The following NIN variants were observed in gnomAD, a reference collection of about 807,000 sequenced individuals.
The protein encoded by NIN is ninein, also known as glycogen synthase kinase 3 beta-interacting protein.
Under a neutral mutation model 257.6 loss-of-function variants are expected in NIN, and 137 were observed. That is an observed-to-expected ratio of 0.53 (90% confidence interval 0.46 to 0.61). The LOEUF (loss-of-function observed/expected upper bound fraction) is 0.61. Ranked by LOEUF, NIN falls within the 20% of genes least tolerant of loss-of-function variation. The probability of loss-of-function intolerance (pLI) is 0.00; values close to 1 mark genes in which losing one functional copy is unlikely to be tolerated. For synonymous variants in NIN, 918 were observed against 919.8 expected (o/e 1.00, Z 0.04); for missense variants, 2,439 against 2,501.2 (o/e 0.98, Z 0.53).
At chr14:50,746,310 C>CATGAGTTTTAA (rs1264508716) in intron 22 of NIN, among the ~76,000 whole-genome samples, 6 of 152,168 alleles carry the variant, frequency 3.9e-5, no homozygotes, top group African/African-American at 1.4e-4. Flanking sequence ...AGAAAGGCCC[C>CATGAGTTTTAA]ATGAGTTTTA....
Position 50,723,081 on chromosome 14 carries a change from A to G in NIN, c.*382T>C, listed in dbSNP as rs1263307340. On this transcript the variant is annotated 3_prime_UTR_variant, in exon 31 of 31. Coordinates refer to ENST00000530997, the MANE Select transcript of NIN (RefSeq NM_020921.4). ...TGGTTTTAAAATAAAGTTTATAACAACCATTCTCATCAGATCTCAAACTTC... is the reference window on the plus strand; with the variant it reads ...TGGTTTTAAAATAAAGTTTATAACAGCCATTCTCATCAGATCTCAAACTTC... The G allele has an allele frequency of 4.4e-6, 1 of 226,948 alleles. No homozygotes were observed. Among genetic ancestry groups the G allele is most frequent in the Non-Finnish European group, 8.7e-6 (1 of 114,646 alleles). 14.1% of individuals were successfully genotyped at this position (226,948 alleles called of 1,614,324 possible).
At chr14:50,736,218 C>A (rs775765779) in intron 27 of NIN, among the ~76,000 whole-genome samples, 1 of 152,024 alleles carries the variant, frequency 6.6e-6, no homozygotes, top group Non-Finnish European at 1.5e-5. Flanking sequence ...CTGCAACCTG[C>A]GCTTCCCAGG....
intron 6 of NIN, among the ~76,000 whole-genome samples, chr14:50,778,359 G>T (rs1337502800): frequency 3.3e-5 from 5 of 152,038 alleles, no homozygotes; most frequent in Non-Finnish European, 5.9e-5. Flanking sequence ...AGTAGAGACG[G>T]GGTATGCCAT....
intron 27 of NIN, among the ~76,000 whole-genome samples, chr14:50,736,586 A>G (rs1403232511): frequency 6.6e-6 from 1 of 152,234 alleles, no homozygotes; most frequent in Non-Finnish European, 1.5e-5. Flanking sequence ...AAGAATTGTG[A>G]AACAGAAGTG....
At position 50,757,940 on chromosome 14, in the gene NIN, TGA is replaced by T; in HGVS notation, c.3088_3089del (p.Ser1030AsnfsTer45). On this transcript the variant is annotated frameshift_variant, in exon 18 of 31. Transcript: ENST00000530997. LOFTEE classifies it high-confidence loss of function. ...KEMQQATSPL[S>X]MLQSGCQVIG... ...TCACCTGGCAACCACTCTGAAGCAT[TGA>T]GAGAGGAGATGTTGCCTGCTGCATT... The T allele has an allele frequency of 6.2e-7, 1 of 1,613,934 alleles. No homozygotes were observed. The highest frequency in any genetic ancestry group is 8.5e-7 in the Non-Finnish European group (1 of 1,179,942).
At position 50,745,124 on chromosome 14, in the gene NIN, C is replaced by G. The variant is rs140696496; in HGVS notation, c.5065-759G>C. Among the ~76,000 whole-genome samples, 426 of 152,176 alleles carry G rather than the reference C, an allele frequency of 2.8e-3. 3 individuals carry two copies. The highest frequency in any genetic ancestry group is 4.9e-3 in the Non-Finnish European group (333 of 68,008). On this transcript the variant is annotated intron_variant, in intron 22 of 30. Coordinates refer to ENST00000530997, the MANE Select transcript of NIN (RefSeq NM_020921.4). ...TCCTCTCCACTTCATGAAATCAAGA[C>G]AAACCAAATACTGTTTTTTATTCGT...
intron 5 of NIN, among the ~76,000 whole-genome samples, chr14:50,781,265 T>C (rs1343032558): frequency 6.6e-6 from 1 of 152,074 alleles, no homozygotes; most frequent in African/African-American, 2.4e-5. Flanking sequence ...AAGCAGGGGA[T>C]GATTTCTAAC....
chr14:50,822,491 A>G (rs994915284), intron 2 of NIN, among the ~76,000 whole-genome samples: 3 of 152,208 alleles, frequency 2.0e-5, no homozygotes, highest in Non-Finnish European at 4.4e-5. Context: ...AGACTATTCA[A>G]GTGAACTAAT....
intron 28 of NIN, chr14:50,731,081 T>G (rs923443106): frequency 2.2e-6 from 1 of 456,106 alleles, no homozygotes; most frequent in East Asian, 7.1e-5. Flanking sequence ...CAGTACTAAT[T>G]AGGTCTATTA....
At chr14:50,770,342 G>T (rs1219573828) in intron 12 of NIN, 46 bp downstream of exon 12, 2 of 1,574,216 alleles carry the variant, frequency 1.3e-6, no homozygotes, top group Middle Eastern at 3.5e-4. Context: ...TTTCCACGTG[G>T]TGTTCCCGGC....
intron 5 of NIN, among the ~76,000 whole-genome samples, chr14:50,782,821 G>A (rs1302766419): frequency 2.6e-5 from 4 of 152,176 alleles, no homozygotes; most frequent in African/African-American, 9.7e-5. Flanking sequence ...AGGCGGTTTG[G>A]TGGGAAGCCC....
At chr14:50,749,021 G>A (rs1009541526) in intron 21 of NIN, among the ~76,000 whole-genome samples, 2 of 152,152 alleles carry the variant, frequency 1.3e-5, no homozygotes, top group African/African-American at 4.8e-5. Flanking sequence ...TAAGCAAAAA[G>A]AACAAAGCTG....
At chr14:50,795,087 C>T (rs567571672) in intron 4 of NIN, among the ~76,000 whole-genome samples, 1 of 152,314 alleles carries the variant, frequency 6.6e-6, no homozygotes, top group South Asian at 2.1e-4. Context: ...TAATATCCTT[C>T]ATAGAACGTA....
At chr14:50,769,461 T>A (rs1251099046) in intron 12 of NIN, among the ~76,000 whole-genome samples, 1 of 151,646 alleles carries the variant, frequency 6.6e-6, no homozygotes, top group Non-Finnish European at 1.5e-5. Context: ...CAGGGTTTGA[T>A]ACCAGCCTAG....
chr14:50,794,480 G>T, intron 4 of NIN: 3 of 999,496 alleles, frequency 3.0e-6, no homozygotes, highest in Non-Finnish European at 3.6e-6. Flanking sequence ...ATTCAGGAGC[G>T]GCCCAGACAC....
upstream of NIN, among the ~76,000 whole-genome samples, chr14:50,831,299 G>A: frequency 6.6e-6 from 1 of 151,930 alleles, no homozygotes; most frequent in Non-Finnish European, 1.5e-5. Flanking sequence ...CTCCCGCTCC[G>A]AGCGCCCGCC....
Position 50,748,062 on chromosome 14 carries a change from A to C in NIN, c.4994T>G (p.Val1665Gly). The C allele has an allele frequency of 6.2e-7, 1 of 1,614,098 alleles. No individual in the cohort carries two copies. Among genetic ancestry groups the C allele is most frequent in the Non-Finnish European group, 8.5e-7 (1 of 1,179,956 alleles). Residue 1665 changes from valine to glycine, a missense_variant, in exon 22 of 31, where the codon GTT becomes GGT. Val to Gly is a moderately radical substitution (Grantham distance 109). Around this residue, in one of 3 missense-constraint regions of NIN, gnomAD observed 2,043 missense variants for 2,050.2 expected, o/e 1.00. Coordinates refer to ENST00000530997, the MANE Select transcript of NIN (RefSeq NM_020921.4). Reference protein sequence around the residue: ...VSSLEAELSEVKIQTHIVQQE... With the variant: ...VSSLEAELSEGKIQTHIVQQE... ...TTGCACAATATGGGTCTGTATTTTA[A>C]CTTCAGAGAGCTCCGCCTCCAGAGA...
chr14:50,756,923 T>G lies in NIN; in HGVS notation c.4107A>C (p.Thr1369=), dbSNP rs1566810522. Residue 1369 remains threonine (T), a synonymous_variant, in exon 18 of 31, where the codon ACA becomes ACC. Transcript: ENST00000530997. ...TAACCCTGGGCACACACTCTTCCAG[T>G]GTCTGATTGAGCTGGAGTATATTTC... ...PDGNILQLNQ[T]LEECVPRVRS... The G allele has an allele frequency of 1.3e-6, 2 of 1,568,728 alleles. No homozygotes were observed. The highest frequency in any genetic ancestry group is 1.7e-6 in the Non-Finnish European group (2 of 1,155,144).
At chr14:50,823,944 C>A (rs566607292) in intron 2 of NIN, among the ~76,000 whole-genome samples, 1 of 152,184 alleles carries the variant, frequency 6.6e-6, no homozygotes, top group African/African-American at 2.4e-5. Flanking sequence ...GCCAACACTT[C>A]GCTAACAAGA....
Sources: allele counts gnomAD v4.1 joint callset (sites outside exome capture counted in the v4.1 genomes callset), GRCh38; gene constraint gnomAD v4.1.1; regional missense constraint gnomAD v4.1.1; transcripts MANE v1.5; gene names NCBI Gene and HGNC (gene_info 2026-07-23, HGNC 2026-07-21).